ASB3: variants seen among roughly 807,000 people sequenced by gnomAD.
The protein encoded by ASB3 is ankyrin repeat and SOCS box protein 3.
In ASB3, 41 loss-of-function variants were observed where a neutral mutation model predicts 54.5. The observed-to-expected ratio is 0.75, with a 90% CI of 0.59 to 0.98. The LOEUF (loss-of-function observed/expected upper bound fraction) is 0.98. Among genes scored for constraint, ASB3 ranks in the 50% least tolerant of loss-of-function variants. The pLI is 0.00. For synonymous variants in ASB3, 266 were observed against 221.2 expected (o/e 1.20, Z -1.80); for missense variants, 733 against 620.0 (o/e 1.18, Z -1.94).
chr2:53,728,321 C>G (rs1368162365), intron 5 of ASB3, among the ~76,000 whole-genome samples: 1 of 152,086 alleles, frequency 6.6e-6, no homozygotes, highest in African/African-American at 2.4e-5. Flanking sequence ...TACATAATCA[C>G]AAAATTAACA....
intron 2 of ASB3, among the ~76,000 whole-genome samples, chr2:53,763,897 C>T (rs943999572): frequency 5.9e-5 from 9 of 152,170 alleles, no homozygotes; most frequent in Non-Finnish European, 1.3e-4. Flanking sequence ...TTTCCACTAT[C>T]TTCAAACACT....
chr2:53,746,722 C>T (rs1312496456), intron 3 of ASB3, among the ~76,000 whole-genome samples: 4 of 151,966 alleles, frequency 2.6e-5, no homozygotes, highest in Non-Finnish European at 4.4e-5. Context: ...TCAGGTGATC[C>T]GCCCGCCTCG....
intron 1 of ASB3, among the ~76,000 whole-genome samples, chr2:53,772,359 A>C (rs1673993421): frequency 6.6e-6 from 1 of 152,118 alleles, no homozygotes; most frequent in Admixed American, 6.5e-5. Flanking sequence ...TATTTTTAGT[A>C]GAGACGAGGT....
intron 7 of ASB3, among the ~76,000 whole-genome samples, chr2:53,710,012 G>C (rs1364853520): frequency 6.6e-6 from 1 of 152,184 alleles, no homozygotes; most frequent in East Asian, 1.9e-4. Flanking sequence ...AGTGATCCAT[G>C]TCAGTGAGCC....
chr2:53,768,075 A>T, intron 1 of ASB3: 1 of 1,594,298 alleles, frequency 6.3e-7, no homozygotes, highest in Non-Finnish European at 8.5e-7. Context: ...CTGCTCCCCA[A>T]CTCCACACAC....
intron 5 of ASB3, among the ~76,000 whole-genome samples, chr2:53,721,335 G>A (rs1670697274): frequency 1.4e-5 from 2 of 146,056 alleles, no homozygotes; most frequent in East Asian, 2.0e-4. Flanking sequence ...CAGGCAGATT[G>A]CCTGAGCTCA....
At chr2:53,763,620 T>G (rs1451824548) in intron 2 of ASB3, 1 of 169,258 alleles carries the variant, frequency 5.9e-6, no homozygotes, top group Non-Finnish European at 1.5e-5. Flanking sequence ...TAGAGATGAA[T>G]TTAACAGCCA....
intron 5 of ASB3, among the ~76,000 whole-genome samples, chr2:53,719,971 C>T (rs922514644): frequency 3.9e-5 from 6 of 152,180 alleles, no homozygotes; most frequent in African/African-American, 1.2e-4. Context: ...GCCTCCTATT[C>T]TATTCCTAAA....
chr2:53,776,810 C>A (rs1053241025), intron 1 of ASB3, among the ~76,000 whole-genome samples: 4 of 152,200 alleles, frequency 2.6e-5, no homozygotes, highest in African/African-American at 7.2e-5. Context: ...CAGAGCAAGA[C>A]CCTGTCTCAA....
rs137902479 is a variant in ASB3 at position 53,777,038 on chromosome 2, C to T, written c.-14+9783G>A. ...TGGTTCATTTTACCTTTCTAAAATACTATATTTCAGTTTCATTTTCTTGGT... is the reference window on the plus strand; with the variant it reads ...TGGTTCATTTTACCTTTCTAAAATATTATATTTCAGTTTCATTTTCTTGGT... On this transcript the variant is annotated intron_variant, in intron 1 of 9. Transcript: ENST00000263634. 5.3e-5 allele frequency among the ~76,000 whole-genome samples: 8 copies of T among 152,160 alleles called. No individual in the cohort carries two copies. The East Asian group carries it at 1.3e-3, about 26-fold the overall frequency.
chr2:53,722,802 C>A (rs1038781945), intron 5 of ASB3, among the ~76,000 whole-genome samples: 2 of 152,142 alleles, frequency 1.3e-5, no homozygotes, highest in Non-Finnish European at 2.9e-5. Flanking sequence ...CCCACTCTTA[C>A]CACTCCTATT....
At chr2:53,766,679 C>A (rs1673479928) in intron 1 of ASB3, among the ~76,000 whole-genome samples, 1 of 152,124 alleles carries the variant, frequency 6.6e-6, no homozygotes, top group Non-Finnish European at 1.5e-5. Flanking sequence ...GGTCATTACA[C>A]TCTTTTTATC....
At chr2:53,761,349 G>C (rs1558565915) in intron 2 of ASB3, among the ~76,000 whole-genome samples, 1 of 152,136 alleles carries the variant, frequency 6.6e-6, no homozygotes, top group Non-Finnish European at 1.5e-5. Flanking sequence ...AGGCATTCGA[G>C]CAGGGAGCAG....
In ASB3 at chr2:53,673,096, C is replaced by T. The variant is rs187496364; in HGVS notation, c.1370-2406G>A. Among the ~76,000 whole-genome samples the T allele has an allele frequency of 5.4e-5, 8 of 149,276 alleles. No individual in the cohort carries two copies. In the East Asian group the frequency reaches 1.5e-3, roughly 29 times the overall value. ...GAGTGTAGCTGGCCAGCTGCAAACA[C>T]AGAGCATGCCAATGGACATAGTCAG... On this transcript the variant is annotated intron_variant, in intron 9 of 9. Transcript: ENST00000263634.
intron 2 of ASB3, among the ~76,000 whole-genome samples, chr2:53,754,071 T>C (rs1672680922): frequency 6.6e-6 from 1 of 152,062 alleles, no homozygotes; most frequent in African/African-American, 2.4e-5. Flanking sequence ...AAGTAAAACG[T>C]GCTCAAAAAA....
At chr2:53,678,405 T>G (rs2103650368) in intron 9 of ASB3, among the ~76,000 whole-genome samples, 1 of 152,356 alleles carries the variant, frequency 6.6e-6, no homozygotes, top group South Asian at 2.1e-4. Context: ...ACGATGATTA[T>G]GTTGGTTCAC....
At chr2:53,710,802 G>C (rs1454488788) in intron 7 of ASB3, among the ~76,000 whole-genome samples, 2 of 152,170 alleles carry the variant, frequency 1.3e-5, no homozygotes, top group Non-Finnish European at 2.9e-5. Context: ...TCTAGCCTGA[G>C]ACTCTGATGA....
At chr2:53,697,877 C>T (rs553110039) in intron 8 of ASB3, among the ~76,000 whole-genome samples, 15 of 152,290 alleles carry the variant, frequency 9.8e-5, no homozygotes, top group South Asian at 8.3e-4. Context: ...ACCCCTATGG[C>T]GCCCCTATGG....
chr2:53,674,743 T>C (rs1000444039), intron 9 of ASB3, among the ~76,000 whole-genome samples: 3 of 152,194 alleles, frequency 2.0e-5, no homozygotes, highest in South Asian at 2.1e-4. Flanking sequence ...CATTAATATA[T>C]TGTCTTTCTC....
Sources: gnomAD v4.1 joint callset for allele counts (sites outside exome capture counted in the v4.1 genomes callset) on GRCh38, gnomAD v4.1.1 for gene constraint, MANE v1.5 for transcripts, NCBI Gene and HGNC (gene_info 2026-07-23, HGNC 2026-07-21) for gene names.